Variants in TLN2 observed in about 807,000 individuals in gnomAD.
The protein encoded by TLN2 is talin 2.
A neutral mutation model predicts 294.7 loss-of-function variants in TLN2; 118 were observed. The observed-to-expected ratio is 0.40, with a 90% CI of 0.34 to 0.47. The LOEUF (loss-of-function observed/expected upper bound fraction) is 0.47, where lower values mean the gene tolerates loss of function less well. TLN2 is among the 20% of genes least tolerant of loss of function. The probability of loss-of-function intolerance (pLI) is 0.84; values close to 1 mark genes in which losing one functional copy is unlikely to be tolerated. For synonymous variants in TLN2, 1,431 were observed against 1,304.5 expected, an observed-to-expected ratio of 1.10 and a Z score of -2.09; for missense variants, 3,083 against 3,282.2, an observed-to-expected ratio of 0.94 and a Z score of 1.48.
intron 41 of TLN2, among the ~76,000 whole-genome samples, chr15:62,769,454 C>T (rs1248205072): frequency 2.0e-5 from 3 of 152,202 alleles, no homozygotes; most frequent in African/African-American, 4.8e-5. Context: ...CCCAAAGGAC[C>T]CCTTTAAAAT....
Position 62,797,421 on chromosome 15 carries a change from G to A in TLN2, c.6234+19G>A, listed in dbSNP as rs1185028407. On this transcript the variant is annotated intron_variant, in intron 48 of 58. Coordinates refer to ENST00000636159, the MANE Select transcript of TLN2 (RefSeq NM_015059.3). ...GACCCAGGTACCAGCAGGGCCTGGG[G>A]AGTGCGTCCTCCCGGTCTTCCCGTG... 1.9e-6 allele frequency: 3 copies of A among 1,574,610 alleles called. No individual in the cohort carries two copies. In the East Asian group the frequency reaches 6.7e-5, roughly 35 times the overall value.
chr15:62,791,373 G>A (rs879648589), intron 45 of TLN2, among the ~76,000 whole-genome samples: 1 of 152,088 alleles, frequency 6.6e-6, no homozygotes, highest in Non-Finnish European at 1.5e-5. Context: ...AAGAAAGTGT[G>A]TAGAAGACAC....
chr15:62,643,478 T>C (rs1325657445), intron 3 of TLN2, among the ~76,000 whole-genome samples: 1 of 146,904 alleles, frequency 6.8e-6, no homozygotes, highest in Non-Finnish European at 1.5e-5. Flanking sequence ...TTGCAATAGT[T>C]GTTTTTGGGT....
At chr15:62,439,668 A>G (rs1197272079) in intron 1 of TLN2, among the ~76,000 whole-genome samples, 1 of 152,168 alleles carries the variant, frequency 6.6e-6, no homozygotes, top group Non-Finnish European at 1.5e-5. Flanking sequence ...GAAGCCCCAC[A>G]GTGAGAATAA....
At chr15:62,606,651 A>C (rs966687936) in intron 2 of TLN2, among the ~76,000 whole-genome samples, 2 of 152,138 alleles carry the variant, frequency 1.3e-5, no homozygotes, top group Non-Finnish European at 2.9e-5. Context: ...TAACCACCAG[A>C]CACTGCCTTT....
chr15:62,827,873 G>A (rs2068371056), intron 54 of TLN2: 2 of 152,196 alleles, frequency 1.3e-5, no homozygotes, highest in Non-Finnish European at 2.9e-5. Context: ...TAGGTTAGGA[G>A]GGGAAGTAGG....
At chr15:62,723,300 A>G (rs1567459151) in intron 26 of TLN2, among the ~76,000 whole-genome samples, 2 of 152,214 alleles carry the variant, frequency 1.3e-5, no homozygotes, top group South Asian at 2.1e-4. Flanking sequence ...AGCTCGTGGT[A>G]CTGTCTACAC....
Position 62,790,999 on chromosome 15 carries a change from C to T in TLN2, c.5737-1642C>T, listed in dbSNP as rs190092624. 1.3e-3 allele frequency among the ~76,000 whole-genome samples: 200 copies of T among 152,194 alleles called. 3 individuals carry two copies. The highest frequency in any genetic ancestry group is 1.4e-3 in the Non-Finnish European group (98 of 68,012). On this transcript the variant is annotated intron_variant, in intron 45 of 58. Coordinates refer to ENST00000636159, the MANE Select transcript of TLN2 (RefSeq NM_015059.3). ...TGAAATGTCTGTAGCACCCTGTGTA[C>T]GAAGGTGTATAGAAGTGTATAGAAA...
Position 62,563,989 on chromosome 15 carries a change from C to T in TLN2, c.-237-25698C>T, listed in dbSNP as rs143188809. ...TATTGCCCAGCATATAGCCGAGTGC[C>T]AGGCATGCACTAACTACTAGGTGAT... On this transcript the variant is annotated intron_variant, in intron 1 of 58. Transcript: ENST00000636159. Among the ~76,000 whole-genome samples the T allele has an allele frequency of 5.0e-4, 76 of 152,330 alleles. No homozygotes were observed. The East Asian group carries it at 0.013, about 27-fold the overall frequency.
intron 12 of TLN2, among the ~76,000 whole-genome samples, chr15:62,690,967 C>T (rs1213923084): frequency 1.6e-3 from 231 of 142,566 alleles, no homozygotes; most frequent in South Asian, 1.8e-3. Context: ...GGCAGCAGTA[C>T]AGTCCAGCTT....
Position 62,719,785 on chromosome 15 carries a change from C to A in TLN2, c.2896C>A (p.Pro966Thr). The A allele has an allele frequency of 6.2e-7, 1 of 1,608,734 alleles. No individual in the cohort carries two copies. Among genetic ancestry groups the A allele is most frequent in the Non-Finnish European group, 8.5e-7 (1 of 1,177,252 alleles). Residue 966 changes from proline to threonine, a missense_variant, in exon 25 of 59, where the codon CCT (proline) becomes ACT (threonine). Physicochemically the swap from Pro to Thr is conservative, Grantham distance 38 (BLOSUM62 -1). Transcript: ENST00000636159. Reference protein sequence around the residue: ...QSCKAVADHIPQLVQGVRGSQ... With the variant: ...QSCKAVADHITQLVQGVRGSQ... ...TCTGCAGGCAGTGGCTGATCACATC[C>A]CTCAGCTGGTCCAGGGAGTGAGGGG...
chr15:62,619,526 C>T (rs1301330917), intron 3 of TLN2, among the ~76,000 whole-genome samples: 2 of 152,214 alleles, frequency 1.3e-5, no homozygotes, highest in African/African-American at 2.4e-5. Context: ...ACCTGCCCCC[C>T]TGCCAAAATT....
chr15:62,741,665 T>C (rs950450065), intron 32 of TLN2, among the ~76,000 whole-genome samples: 1 of 151,530 alleles, frequency 6.6e-6, no homozygotes, highest in Non-Finnish European at 1.5e-5. Context: ...GAGGCCTTTT[T>C]ATAATGTGCA....
intron 7 of TLN2, among the ~76,000 whole-genome samples, chr15:62,653,720 C>T (rs529434169): frequency 7.0e-6 from 1 of 143,710 alleles, no homozygotes; most frequent in African/African-American, 2.6e-5. Context: ...GAGTGAGACT[C>T]GGTCTCAAAA....
intron 2 of TLN2, 140 bp downstream of exon 2, chr15:62,589,902 A>G (rs1202828918): frequency 6.6e-6 from 1 of 152,278 alleles, no homozygotes; most frequent in Non-Finnish European, 1.5e-5. Context: ...GCAGGTGTGA[A>G]GAGTGCCCGG....
intron 1 of TLN2, among the ~76,000 whole-genome samples, chr15:62,553,365 A>T (rs1002676675): frequency 6.6e-6 from 1 of 152,126 alleles, no homozygotes; most frequent in Non-Finnish European, 1.5e-5. Flanking sequence ...GGTGCCTGTA[A>T]TCCCTGCTAC....
intron 34 of TLN2, 73 bp downstream of exon 34, chr15:62,750,564 C>G (rs1244089979): frequency 1.6e-6 from 2 of 1,279,576 alleles, no homozygotes; most frequent in Non-Finnish European, 2.3e-6. Context: ...GACGTGCCTT[C>G]TGTGCATCTG....
At chr15:62,764,031 G>A (rs1433263927) in intron 40 of TLN2, among the ~76,000 whole-genome samples, 1 of 152,138 alleles carries the variant, frequency 6.6e-6, no homozygotes. Flanking sequence ...AGTGGACCTA[G>A]GTATGTAAAT....
At chr15:62,477,108 A>G (rs2037822776) in intron 1 of TLN2, among the ~76,000 whole-genome samples, 1 of 152,216 alleles carries the variant, frequency 6.6e-6, no homozygotes, top group African/African-American at 2.4e-5. Context: ...CTTCCAATCC[A>G]TGAAGAAAGA....
Sources: allele counts gnomAD v4.1 joint callset (sites outside exome capture counted in the v4.1 genomes callset), GRCh38; gene constraint gnomAD v4.1.1; transcripts MANE v1.5; gene names NCBI Gene and HGNC (gene_info 2026-07-23, HGNC 2026-07-21).